The following TTYH2 variants were observed in gnomAD, a reference collection of about 807,000 sequenced individuals.
The protein encoded by TTYH2 is tweety family member 2.
In TTYH2, 49 loss-of-function variants were observed where a neutral mutation model predicts 68.3. The ratio of observed to expected loss-of-function variants is 0.72; its 90% CI spans 0.57 to 0.91. The LOEUF is 0.91. Among genes scored for constraint, TTYH2 ranks in the 40% least tolerant of loss-of-function variants. TTYH2 has a pLI of 0.00. For missense variants in TTYH2, 631 were observed against 700.4 expected (o/e 0.90, Z 1.12); for synonymous variants, 272 against 300.8 (o/e 0.90, Z 0.99).
intron 10 of TTYH2, 58 bp from the exon 11 acceptor site, chr17:74,252,176 G>C (rs62065680): frequency 0.012 from 19,361 of 1,599,034 alleles, 360 homozygotes; most frequent in South Asian, 0.065. Flanking sequence ...AGGAGAGCTC[G>C]GCCCGCAGGC....
chr17:74,226,938 C>A (rs2050336362), intron 2 of TTYH2, among the ~76,000 whole-genome samples: 1 of 152,014 alleles, frequency 6.6e-6, no homozygotes, highest in African/African-American at 2.4e-5. Context: ...GGCGATTTTT[C>A]TTTCTTTCCT....
intron 3 of TTYH2, among the ~76,000 whole-genome samples, chr17:74,231,387 A>G (rs193040610): frequency 9.8e-5 from 15 of 152,320 alleles, no homozygotes; most frequent in Non-Finnish European, 1.8e-4. Flanking sequence ...CCAAGAGGAA[A>G]AAACTCTCTT....
chr17:74,257,530 G>A (rs1341168387), intron 13 of TTYH2, among the ~76,000 whole-genome samples: 3 of 152,306 alleles, frequency 2.0e-5, no homozygotes, highest in Admixed American at 1.3e-4. Flanking sequence ...TCGAGAGGTG[G>A]ATAAACTCCT....
intron 4 of TTYH2, among the ~76,000 whole-genome samples, chr17:74,242,967 T>C (rs2143759212): frequency 6.6e-6 from 1 of 152,310 alleles, no homozygotes; most frequent in East Asian, 1.9e-4. Context: ...TGTGTGGCTA[T>C]TGAAATTAAT....
chr17:74,260,391 G>A lies in TTYH2; in HGVS notation c.*182G>A. 1.6e-6 allele frequency: 1 copy of A among 624,352 alleles called. No individual in the cohort carries two copies. The highest frequency in any genetic ancestry group is 2.8e-6 in the Non-Finnish European group (1 of 351,134). 38.7% of individuals were successfully genotyped at this position (624,352 alleles called of 1,614,324 possible). On this transcript the variant is annotated 3_prime_UTR_variant, in exon 14 of 14. Transcript: ENST00000269346. ...GGGGTGCAGAAGACTCACCACGCGG[G>A]CCAGCCTCTCTCTTTTGCCCTGCTC...
intron 2 of TTYH2, among the ~76,000 whole-genome samples, chr17:74,230,677 G>A (rs2050379106): frequency 6.7e-6 from 1 of 149,132 alleles, no homozygotes; most frequent in African/African-American, 2.5e-5. Flanking sequence ...GTCTAGCTCT[G>A]TCACCCAGGA....
Position 74,260,225 on chromosome 17 carries a change from T to A in TTYH2, c.*16T>A, listed in dbSNP as rs200692979. Reference sequence around the variant, plus strand: ...TCCAGCCTAACAGACTTTCGGGGGTTCCTGCCTCCTTTTTCCGTTCTGGTT... The same window carrying A: ...TCCAGCCTAACAGACTTTCGGGGGTACCTGCCTCCTTTTTCCGTTCTGGTT... On this transcript the variant is annotated 3_prime_UTR_variant, in exon 14 of 14. Transcript: ENST00000269346. The A allele has an allele frequency of 3.1e-6, 5 of 1,612,952 alleles. No individual in the cohort carries two copies. The African/African-American group carries it at 4.0e-5, about 13-fold the overall frequency.
At chr17:74,259,175 A>T (rs1431942634) in intron 13 of TTYH2, among the ~76,000 whole-genome samples, 1 of 152,156 alleles carries the variant, frequency 6.6e-6, no homozygotes, top group African/African-American at 2.4e-5. Flanking sequence ...AAAAACACTG[A>T]TAGCTCTTTA....
chr17:74,249,933 C>G lies in TTYH2; in HGVS notation c.931-3C>G, dbSNP rs894911656. 6 of 1,613,598 alleles carry G rather than the reference C, an allele frequency of 3.7e-6. No individual in the cohort carries two copies. On this transcript the variant is annotated splice_polypyrimidine_tract_variant and splice_region_variant and intron_variant, in intron 8 of 13. Coordinates refer to ENST00000269346, the MANE Select transcript of TTYH2 (RefSeq NM_032646.6). Reference sequence around the variant, plus strand: ...CTGTGGGGCTGTGTCTTTCCTGGCTCAGACCCTGACCACCTTCCAGCGCGC... The same window carrying G: ...CTGTGGGGCTGTGTCTTTCCTGGCTGAGACCCTGACCACCTTCCAGCGCGC...
intron 2 of TTYH2, among the ~76,000 whole-genome samples, chr17:74,225,326 G>A (rs1022685796): frequency 6.6e-6 from 1 of 151,926 alleles, no homozygotes; most frequent in Non-Finnish European, 1.5e-5. Flanking sequence ...GTGGGATGGG[G>A]AAAGTGTCAC....
chr17:74,213,662 G>C lies in TTYH2; in HGVS notation c.75G>C (p.Leu25=). 1 of 1,612,744 alleles carries C rather than the reference G, an allele frequency of 6.2e-7. No individual in the cohort carries two copies. Among genetic ancestry groups the C allele is most frequent in the Non-Finnish European group, 8.5e-7 (1 of 1,179,664 alleles). Residue 25 remains leucine, a synonymous_variant, in exon 1 of 14, where the codon CTG becomes CTC. Transcript: ENST00000269346. The surrounding 1 kb of genome is among the most constrained non-coding windows in gnomAD (Gnocchi z 6.1). ...TGCACAGCGTCCCGCACGTCGGCCTGCGCCTGCAGCCCGTGAACAGCACCT... is the reference window on the plus strand; with the variant it reads ...TGCACAGCGTCCCGCACGTCGGCCTCCGCCTGCAGCCCGTGAACAGCACCT... The part of the protein sequence containing the change: ...VWLHSVPHVG[L]RLQPVNSTFS...
chr17:74,255,460 ATTTTTTT>A (rs536432576), intron 13 of TTYH2, among the ~76,000 whole-genome samples: 2 of 150,104 alleles, frequency 1.3e-5, no homozygotes, highest in Non-Finnish European at 3.0e-5. Flanking sequence ...TTTATTTTTT[ATTTTTTT>A]TTGAGACGGA....
At chr17:74,246,403 TTGCTAGGG>T (rs1181706798) in intron 6 of TTYH2, among the ~76,000 whole-genome samples, 1 of 152,136 alleles carries the variant, frequency 6.6e-6, no homozygotes, top group Non-Finnish European at 1.5e-5. Context: ...CAAAGGGCTG[TTGCTAGGG>T]AAAGATGAGT....
chr17:74,243,922 T>A, intron 5 of TTYH2, 55 bp from the exon 6 acceptor site: 1 of 1,570,066 alleles, frequency 6.4e-7, no homozygotes, highest in Non-Finnish European at 8.7e-7. Flanking sequence ...GGTGGGGTGA[T>A]GGCTGAGAGG....
Position 74,243,380 on chromosome 17 carries a change from C to G in TTYH2, c.642C>G (p.Leu214=). ...TCCCTGCCCCTCTACCCAGGTGGCT[C>G]TCCTACCTCCTGCTCTTTATCCTGG... ...QTGYVEYYRW[L]SYLLLFILDL... Residue 214 remains leucine (L), a synonymous_variant, in exon 5 of 14, where the codon CTC becomes CTG. Coordinates refer to ENST00000269346, the MANE Select transcript of TTYH2 (RefSeq NM_032646.6). 1 of 1,614,182 alleles carries G rather than the reference C, an allele frequency of 6.2e-7. No individual in the cohort carries two copies. Among genetic ancestry groups the G allele is most frequent in the Non-Finnish European group, 8.5e-7 (1 of 1,180,000 alleles).
In TTYH2 at chr17:74,236,766, G is replaced by A. The variant is rs562536181; in HGVS notation, c.415-528G>A. On this transcript the variant is annotated intron_variant, in intron 3 of 13. Coordinates refer to ENST00000269346, the MANE Select transcript of TTYH2 (RefSeq NM_032646.6). ...CAGGTCAGGGACTGCCCCCTGGTTT[G>A]AGGGACATGAGGACTGGGTGGGTAG... 9.4e-4 allele frequency among the ~76,000 whole-genome samples: 143 copies of A among 152,304 alleles called. 1 individual carries two copies. The highest frequency in any genetic ancestry group is 3.2e-3 in the African/African-American group (133 of 41,570).
intron 3 of TTYH2, among the ~76,000 whole-genome samples, chr17:74,236,434 C>T (rs899148153): frequency 1.3e-5 from 2 of 152,180 alleles, no homozygotes; most frequent in African/African-American, 4.8e-5. Context: ...AGCCAAAGTG[C>T]TGAAAGTTTT....
intron 10 of TTYH2, chr17:74,252,025 A>G: frequency 3.3e-6 from 2 of 610,552 alleles, no homozygotes; most frequent in Non-Finnish European, 5.7e-6. Flanking sequence ...GTAAGTGCTC[A>G]GCAAATGTTT....
In TTYH2 at chr17:74,223,068, G is replaced by A. The variant is rs146699814; in HGVS notation, c.302+411G>A. Among the ~76,000 whole-genome samples the A allele has an allele frequency of 4.6e-3, 674 of 147,268 alleles. 4 individuals carry two copies. Among genetic ancestry groups the A allele is most frequent in the African/African-American group, 0.018 (649 of 36,832 alleles). On this transcript the variant is annotated intron_variant, in intron 2 of 13. Transcript: ENST00000269346. ...TGTGAGATCAATAGCTTTTAGTGCC[G>A]TTAGCCAGTTCTTTGGTTTGGATGA... is the stretch of plus-strand genomic sequence containing the variant.
Sources: gnomAD v4.1 joint callset for allele counts (sites outside exome capture counted in the v4.1 genomes callset) on GRCh38, gnomAD v4.1.1 for gene constraint, Gnocchi (gnomAD v3.1) non-coding constraint, MANE v1.5 for transcripts, NCBI Gene and HGNC (gene_info 2026-07-23, HGNC 2026-07-21) for gene names.